The following LINGO2 variants were observed in gnomAD, a reference collection of about 807,000 sequenced individuals.
The protein encoded by LINGO2 is leucine-rich repeat and immunoglobulin-like domain-containing nogo receptor-interacting protein 2.
In LINGO2, 14 loss-of-function variants were observed where a neutral mutation model predicts 30.6. The ratio of observed to expected loss-of-function variants is 0.46; its 90% confidence interval spans 0.30 to 0.72. The LOEUF (loss-of-function observed/expected upper bound fraction) is 0.72. Ranked by LOEUF, LINGO2 falls within the 30% of genes least tolerant of loss-of-function variation. The pLI is 0.07. For synonymous variants in LINGO2, 317 were observed against 288.5 expected, an observed-to-expected ratio of 1.10 and a Z score of -1.00; for missense variants, 729 against 751.7, an observed-to-expected ratio of 0.97 and a Z score of 0.35.
chr9:28,122,286 G>A (rs1827117506), intron 4 of LINGO2, among the ~76,000 whole-genome samples: 1 of 152,102 alleles, frequency 6.6e-6, no homozygotes, highest in Admixed American at 6.5e-5. Context: ...ATTATCAGCA[G>A]CACACTTTTT....
intron 1 of LINGO2, among the ~76,000 whole-genome samples, chr9:28,562,390 G>A (rs1823137115): frequency 7.8e-6 from 1 of 128,204 alleles, no homozygotes; most frequent in African/African-American, 3.1e-5. Context: ...CATGTATAAA[G>A]TCAAAATGAA....
At position 28,093,539 on chromosome 9, in the gene LINGO2, T is replaced by A. The variant is rs574541083; in HGVS notation, c.-86-81134A>T. Among the ~76,000 whole-genome samples, 14 of 152,190 alleles carry A rather than the reference T, an allele frequency of 9.2e-5. No individual in the cohort carries two copies. The East Asian group carries it at 2.1e-3, about 23-fold the overall frequency. ...ACTCACTAAACATTAGTTTTTTTTTTAACCGTCACTTTTGCCAAAACTTTT... is the reference window on the plus strand; with the variant it reads ...ACTCACTAAACATTAGTTTTTTTTTAAACCGTCACTTTTGCCAAAACTTTT... On this transcript the variant is annotated intron_variant, in intron 4 of 5. Transcript: ENST00000379992.
chr9:28,939,053 T>A, the LINGO2 span, among the ~76,000 whole-genome samples: 2,742 of 152,304 alleles, frequency 0.018, 87 homozygotes, highest in African/African-American at 0.061. Context: ...ACTTATCTTA[T>A]TTCTGCAAAT....
chr9:28,874,104 T>C, the LINGO2 span, among the ~76,000 whole-genome samples: 1 of 152,146 alleles, frequency 6.6e-6, no homozygotes, highest in African/African-American at 2.4e-5. Flanking sequence ...CATGAAGACT[T>C]AGAAAAATAT....
chr9:28,402,104 A>G (rs1822294203), intron 2 of LINGO2, among the ~76,000 whole-genome samples: 1 of 152,176 alleles, frequency 6.6e-6, no homozygotes, highest in South Asian at 2.1e-4. Flanking sequence ...CAACACAAGC[A>G]ATTCTAAAAC....
intron 2 of LINGO2, among the ~76,000 whole-genome samples, chr9:28,391,013 G>C (rs997953541): frequency 6.6e-6 from 1 of 152,026 alleles, no homozygotes; most frequent in Non-Finnish European, 1.5e-5. Context: ...AATAATACAC[G>C]ACTCCCAGAC....
intron 4 of LINGO2, among the ~76,000 whole-genome samples, chr9:28,050,560 A>G (rs753492575): frequency 1.3e-5 from 2 of 150,836 alleles, no homozygotes; most frequent in Non-Finnish European, 2.9e-5. Flanking sequence ...ATAGGGTTCT[A>G]ATCCCCTCCA....
At chr9:29,153,387 T>G in the LINGO2 span, among the ~76,000 whole-genome samples, 2 of 152,198 alleles carry the variant, frequency 1.3e-5, no homozygotes, top group Admixed American at 1.3e-4. Flanking sequence ...TTTTTATTTC[T>G]AATGTTAATT....
At chr9:28,947,563 AGG>A in the LINGO2 span, among the ~76,000 whole-genome samples, 1 of 152,032 alleles carries the variant, frequency 6.6e-6, no homozygotes, top group African/African-American at 2.4e-5. Flanking sequence ...ACTCCACTTC[AGG>A]AGCAAGAAAA....
the LINGO2 span, among the ~76,000 whole-genome samples, chr9:29,057,397 C>T: frequency 6.6e-6 from 1 of 152,102 alleles, no homozygotes; most frequent in East Asian, 1.9e-4. Context: ...AAAAAATAGG[C>T]AATCATTTAT....
At chr9:28,296,205 C>T (rs1823914829) in intron 3 of LINGO2, among the ~76,000 whole-genome samples, 1 of 152,122 alleles carries the variant, frequency 6.6e-6, no homozygotes, top group South Asian at 2.1e-4. Flanking sequence ...TAATCAGTAA[C>T]CTTTATTGGA....
chr9:29,083,787 G>T, the LINGO2 span, among the ~76,000 whole-genome samples: 1 of 152,036 alleles, frequency 6.6e-6, no homozygotes. Flanking sequence ...TTGACATTAA[G>T]CATCTAGGTA....
At chr9:28,180,075 A>G (rs527430214) in intron 4 of LINGO2, among the ~76,000 whole-genome samples, 274 of 152,212 alleles carry the variant, frequency 1.8e-3, no homozygotes, top group Non-Finnish European at 3.3e-3. Context: ...CTGCCACTCA[A>G]TATATGACCT....
At chr9:29,057,377 T>A in the LINGO2 span, among the ~76,000 whole-genome samples, 3 of 152,160 alleles carry the variant, frequency 2.0e-5, no homozygotes, top group Admixed American at 6.6e-5. Context: ...TCTACCTGTG[T>A]CAATAAATAA....
chr9:28,219,204 GTC>G (rs1820874029), intron 4 of LINGO2, among the ~76,000 whole-genome samples: 1 of 152,122 alleles, frequency 6.6e-6, no homozygotes, highest in South Asian at 2.1e-4. Context: ...ATTTGTGGAT[GTC>G]TTTTTGTGCC....
intron 3 of LINGO2, among the ~76,000 whole-genome samples, chr9:28,368,712 T>C (rs1820777994): frequency 6.6e-6 from 1 of 151,774 alleles, no homozygotes; most frequent in Admixed American, 6.6e-5. Context: ...TTCTCCTGCC[T>C]CAGCCTCGCG....
rs1826265334 is a variant in LINGO2, at chr9:28,097,095, C to A, written c.-86-84690G>T. Among the ~76,000 whole-genome samples the A allele has an allele frequency of 2.0e-5, 3 of 152,092 alleles. No homozygotes were observed. In the South Asian group the frequency reaches 6.2e-4, roughly 32 times the overall value. The stretch of plus-strand genomic sequence containing the variant: ...AAACACATGAAAAAATGCTCACCAT[C>A]ACTGGCCATCAGAGAAATGCAAATC... On this transcript the variant is annotated intron_variant, in intron 4 of 5. Transcript: ENST00000379992.
At chr9:29,115,710 TATC>T in the LINGO2 span, among the ~76,000 whole-genome samples, 1 of 152,062 alleles carries the variant, frequency 6.6e-6, no homozygotes. Flanking sequence ...AAAGTATTTT[TATC>T]ATGATATGCA....
At chr9:28,299,872 A>G in intron 3 of LINGO2, among the ~76,000 whole-genome samples, 1 of 152,136 alleles carries the variant, frequency 6.6e-6, no homozygotes. Context: ...CTGGAAAAGC[A>G]TTTAAACCCA....
Sources: allele counts gnomAD v4.1 joint callset (sites outside exome capture counted in the v4.1 genomes callset), GRCh38; gene constraint gnomAD v4.1.1; transcripts MANE v1.5; gene names NCBI Gene and HGNC (gene_info 2026-07-23, HGNC 2026-07-21).